Variants in SPOPL observed in about 807,000 individuals in gnomAD.
The protein encoded by SPOPL is speckle-type POZ protein-like.
A neutral mutation model predicts 53.8 loss-of-function variants in SPOPL; 23 were observed. The observed-to-expected ratio is 0.43, with a 90% CI of 0.31 to 0.61. The LOEUF (loss-of-function observed/expected upper bound fraction) is 0.61, where lower values mean the gene tolerates loss of function less well. Among genes scored for constraint, SPOPL ranks in the 20% least tolerant of loss-of-function variants. The pLI is 0.12. For synonymous variants in SPOPL, 164 were observed against 149.7 expected, an observed-to-expected ratio of 1.10 and a Z score of -0.70; for missense variants, 442 against 466.9, an observed-to-expected ratio of 0.95 and a Z score of 0.49.
intron 3 of SPOPL, 87 bp from the exon 4 acceptor site, chr2:138,550,816 T>C (rs1685297836): frequency 1.4e-6 from 2 of 1,461,710 alleles, no homozygotes; most frequent in Non-Finnish European, 1.8e-6. Context: ...TTCAGTGTTC[T>C]CTCTCTCTCT....
At chr2:138,544,042 A>G (rs1233060975) in intron 1 of SPOPL, among the ~76,000 whole-genome samples, 1 of 152,196 alleles carries the variant, frequency 6.6e-6, no homozygotes, top group Non-Finnish European at 1.5e-5. Context: ...AGGCTGCAGA[A>G]CAGCGGATAT....
intron 8 of SPOPL, among the ~76,000 whole-genome samples, chr2:138,561,186 A>G (rs1449179573): frequency 6.6e-6 from 1 of 152,040 alleles, no homozygotes. Flanking sequence ...GTGTATATGG[A>G]CTTCCATTTA....
intron 1 of SPOPL, among the ~76,000 whole-genome samples, chr2:138,548,152 G>A (rs1442995714): frequency 7.9e-5 from 12 of 151,644 alleles, no homozygotes; most frequent in Non-Finnish European, 1.8e-4. Context: ...TGTAGGGTTT[G>A]ACGGTTTAAA....
intron 1 of SPOPL, among the ~76,000 whole-genome samples, chr2:138,526,708 T>C (rs1684683443): frequency 6.6e-6 from 1 of 150,776 alleles, no homozygotes; most frequent in Non-Finnish European, 1.5e-5. Flanking sequence ...TTGGTCCTCA[T>C]TCTTAAATAG....
At chr2:138,504,339 T>C (rs540368006) in intron 1 of SPOPL, among the ~76,000 whole-genome samples, 3 of 152,232 alleles carry the variant, frequency 2.0e-5, no homozygotes, top group Non-Finnish European at 4.4e-5. Context: ...CATCTCTCAC[T>C]GCTTCCACAT....
chr2:138,563,596 G>A (rs1341524495), intron 8 of SPOPL, among the ~76,000 whole-genome samples: 4 of 152,186 alleles, frequency 2.6e-5, no homozygotes, highest in African/African-American at 9.6e-5. Flanking sequence ...CATACTAAGT[G>A]TTATCAAGGA....
At chr2:138,527,700 A>G (rs1464661653) in intron 1 of SPOPL, among the ~76,000 whole-genome samples, 3 of 151,876 alleles carry the variant, frequency 2.0e-5, no homozygotes, top group South Asian at 2.1e-4. Flanking sequence ...TCTTTTATCT[A>G]TTAGTTTTCC....
At chr2:138,535,583 CA>C in intron 1 of SPOPL, among the ~76,000 whole-genome samples, 1 of 27,952 alleles carries the variant, frequency 3.6e-5, no homozygotes, top group Admixed American at 3.8e-4. Flanking sequence ...TGGTCTTTTT[CA>C]GCATTTTTAC....
intron 1 of SPOPL, among the ~76,000 whole-genome samples, chr2:138,502,627 G>C (rs1684130320): frequency 6.6e-6 from 1 of 152,038 alleles, no homozygotes; most frequent in Admixed American, 6.6e-5. Context: ...TTCGCAGACC[G>C]CTCACTACCT....
rs57208490 is a variant in SPOPL at position 138,567,372 on chromosome 2, A to AGTGTGTGTGTGTGTGT, written c.1035-1517_1035-1502dup. The stretch of plus-strand genomic sequence containing the variant: ...TTTTAACAATGAGAAAGAGCAGTAT[A>AGTGTGTGTGTGTGTGT]GTGTGTGTGTGTGTGTGTGTGTGTG... On this transcript the variant is annotated intron_variant, in intron 10 of 10. Transcript: ENST00000280098. Among the ~76,000 whole-genome samples, 79 of 113,036 alleles carry AGTGTGTGTGTGTGTGT rather than the reference A, an allele frequency of 7.0e-4. 2 individuals carry two copies. Among genetic ancestry groups the AGTGTGTGTGTGTGTGT allele is most frequent in the East Asian group, 1.2e-3 (5 of 4,060 alleles). 74.2% of individuals were successfully genotyped at this position (113,036 alleles called of 152,430 possible). A position where few individuals can be genotyped will look rare whatever the true frequency, so the allele number is the denominator to read the frequency against.
rs577574019 is a variant in SPOPL, at chr2:138,544,700, G to A, written c.-60-5457G>A. On this transcript the variant is annotated intron_variant, in intron 1 of 10. Transcript: ENST00000280098. The stretch of plus-strand genomic sequence containing the variant: ...TGCTTCCCGGGTGAGGTGATGCCTC[G>A]CTCTGCTTCGGCTCATGCTCGGTGC... 2.0e-5 allele frequency among the ~76,000 whole-genome samples: 3 copies of A among 152,302 alleles called. No individual in the cohort carries two copies. In the East Asian group the frequency reaches 5.8e-4, roughly 29 times the overall value.
chr2:138,528,200 T>C (rs866897001), intron 1 of SPOPL, among the ~76,000 whole-genome samples: 13 of 152,172 alleles, frequency 8.5e-5, no homozygotes, highest in South Asian at 2.1e-4. Context: ...CTGCCACCCT[T>C]GGGGAAGGGT....
intron 8 of SPOPL, among the ~76,000 whole-genome samples, chr2:138,561,750 C>G (rs1274648078): frequency 2.0e-5 from 3 of 152,042 alleles, no homozygotes; most frequent in African/African-American, 7.2e-5. Context: ...GGGTTAAAAC[C>G]TACACATTGA....
chr2:138,509,177 G>A (rs942512932), intron 1 of SPOPL, among the ~76,000 whole-genome samples: 4 of 151,998 alleles, frequency 2.6e-5, no homozygotes, highest in African/African-American at 9.7e-5. Flanking sequence ...TAAAGTGAAG[G>A]TATGATGAAG....
intron 1 of SPOPL, among the ~76,000 whole-genome samples, chr2:138,533,807 A>G (rs1428183806): frequency 6.6e-6 from 1 of 152,156 alleles, no homozygotes; most frequent in Non-Finnish European, 1.5e-5. Context: ...TAGTATTTCA[A>G]AATTGTAATT....
intron 7 of SPOPL, 88 bp downstream of exon 7, chr2:138,559,425 AT>A (rs1685498475): frequency 7.4e-7 from 1 of 1,358,716 alleles, no homozygotes; most frequent in South Asian, 1.5e-5. Context: ...CAATGTTCTC[AT>A]TGTCATACTG....
chr2:138,537,044 T>G (rs1684951241), intron 1 of SPOPL, among the ~76,000 whole-genome samples: 1 of 152,136 alleles, frequency 6.6e-6, no homozygotes, highest in South Asian at 2.1e-4. Flanking sequence ...ATGCCCAAAG[T>G]AGAGCCTCCA....
At chr2:138,559,847 C>A (rs1685506876) in intron 7 of SPOPL, among the ~76,000 whole-genome samples, 1 of 152,140 alleles carries the variant, frequency 6.6e-6, no homozygotes, top group Admixed American at 6.5e-5. Flanking sequence ...TGATTCTTTG[C>A]TGTTTGCATA....
At chr2:138,555,484 T>C (rs1246367274) in intron 5 of SPOPL, among the ~76,000 whole-genome samples, 1 of 152,016 alleles carries the variant, frequency 6.6e-6, no homozygotes, top group Non-Finnish European at 1.5e-5. Flanking sequence ...ATGACACCAA[T>C]CTATGAAAAT....
Sources: gnomAD v4.1 joint callset for allele counts (sites outside exome capture counted in the v4.1 genomes callset) on GRCh38, gnomAD v4.1.1 for gene constraint, MANE v1.5 for transcripts, NCBI Gene and HGNC (gene_info 2026-07-23, HGNC 2026-07-21) for gene names.